TDRD3: variants seen among roughly 807,000 people sequenced by gnomAD.
TDRD3 encodes the protein tudor domain-containing protein 3.
In TDRD3, 45 loss-of-function variants were observed where a neutral mutation model predicts 86.7. The ratio of observed to expected loss-of-function variants is 0.52; its 90% CI spans 0.41 to 0.67. The LOEUF is 0.67. Among genes scored for constraint, TDRD3 ranks in the 30% least tolerant of loss-of-function variants. The probability of loss-of-function intolerance (pLI) is 0.00; values close to 1 mark genes in which losing one functional copy is unlikely to be tolerated. For missense variants in TDRD3, 814 were observed against 889.0 expected (o/e 0.92, Z 1.07); for synonymous variants, 298 against 301.7 (o/e 0.99, Z 0.13).
chr13:60,432,131 A>G (rs187056783), intron 1 of TDRD3, among the ~76,000 whole-genome samples: 93 of 152,052 alleles, frequency 6.1e-4, no homozygotes, highest in African/African-American at 2.1e-3. Context: ...TTCATTTTCC[A>G]CCATTTTTCA....
At chr13:60,542,844 G>A (rs1233659000) in intron 12 of TDRD3, among the ~76,000 whole-genome samples, 1 of 152,012 alleles carries the variant, frequency 6.6e-6, no homozygotes, top group East Asian at 1.9e-4. Context: ...TACCTCTGGT[G>A]AGTGGTATCT....
chr13:60,463,409 TAGA>T (rs1197198665), intron 4 of TDRD3, among the ~76,000 whole-genome samples: 1 of 146,260 alleles, frequency 6.8e-6, no homozygotes, highest in Non-Finnish European at 1.5e-5. Context: ...ATGAAATTAC[TAGA>T]AGAAAACATT....
chr13:60,436,891 A>G lies in TDRD3; in HGVS notation c.42-2797A>G, dbSNP rs183192029. On this transcript the variant is annotated intron_variant, in intron 1 of 13. Coordinates refer to ENST00000377881, the MANE Select transcript of TDRD3 (RefSeq NM_001146070.2). ...ATAATTAGTTGATATTAGTTTCCTG[A>G]TCTTCTACGATGCAGAAGGGAACAG... Among the ~76,000 whole-genome samples the G allele has an allele frequency of 3.2e-3, 483 of 152,284 alleles. 4 individuals carry two copies. Among genetic ancestry groups the G allele is most frequent in the Non-Finnish European group, 3.1e-3 (214 of 68,036 alleles).
chr13:60,412,625 C>T (rs1361995679), intron 1 of TDRD3, among the ~76,000 whole-genome samples: 1 of 151,876 alleles, frequency 6.6e-6, no homozygotes, highest in Non-Finnish European at 1.5e-5. Context: ...TTGTAACTTT[C>T]TTATACTTTT....
intron 2 of TDRD3, 51 bp downstream of exon 2, chr13:60,439,823 C>A: frequency 7.7e-7 from 1 of 1,296,780 alleles, no homozygotes; most frequent in South Asian, 1.6e-5. Flanking sequence ...AAGCTGTATT[C>A]ATAAAAAAGT....
intron 3 of TDRD3, among the ~76,000 whole-genome samples, chr13:60,455,664 C>T (rs1185809185): frequency 6.6e-6 from 1 of 152,108 alleles, no homozygotes; most frequent in Non-Finnish European, 1.5e-5. Flanking sequence ...GAATCACACT[C>T]ATATATTCCT....
chr13:60,437,812 T>C (rs559744462), intron 1 of TDRD3, among the ~76,000 whole-genome samples: 1 of 152,202 alleles, frequency 6.6e-6, no homozygotes, highest in African/African-American at 2.4e-5. Flanking sequence ...ACCCATATCC[T>C]TTTGTGTACT....
chr13:60,547,334 T>A (rs973839994), intron 12 of TDRD3: 5 of 985,224 alleles, frequency 5.1e-6, no homozygotes, highest in Non-Finnish European at 6.0e-6. Flanking sequence ...GCTTGGCCTT[T>A]GAGAGAAGGG....
intron 7 of TDRD3, among the ~76,000 whole-genome samples, chr13:60,489,068 G>A (rs578199139): frequency 3.8e-4 from 57 of 151,980 alleles, no homozygotes; most frequent in Middle Eastern, 3.4e-3. Context: ...ATATAATCTC[G>A]TTTGTCTATT....
intron 4 of TDRD3, among the ~76,000 whole-genome samples, chr13:60,465,428 C>T (rs2138073793): frequency 6.6e-6 from 1 of 152,234 alleles, no homozygotes; most frequent in African/African-American, 2.4e-5. Flanking sequence ...CATTTACCAC[C>T]ACAGCTCTCT....
chr13:60,432,806 T>G (rs1324410299), intron 1 of TDRD3, among the ~76,000 whole-genome samples: 2 of 152,190 alleles, frequency 1.3e-5, no homozygotes, highest in Admixed American at 6.6e-5. Context: ...CTTGGGTAAT[T>G]GGGAATTAGT....
intron 12 of TDRD3, among the ~76,000 whole-genome samples, chr13:60,539,296 A>C (rs933411975): frequency 5.9e-5 from 9 of 152,154 alleles, no homozygotes; most frequent in African/African-American, 2.2e-4. Context: ...CTCTGCACAA[A>C]GATAAGAAAG....
intron 11 of TDRD3, among the ~76,000 whole-genome samples, chr13:60,529,715 C>T (rs1957537283): frequency 6.6e-6 from 1 of 151,936 alleles, no homozygotes; most frequent in African/African-American, 2.4e-5. Context: ...TAAACCATTG[C>T]TTCTCGGCCT....
At chr13:60,532,007 T>C (rs1456267333) in intron 11 of TDRD3, among the ~76,000 whole-genome samples, 2 of 152,222 alleles carry the variant, frequency 1.3e-5, no homozygotes, top group African/African-American at 4.8e-5. Flanking sequence ...CAGATAGTTA[T>C]GGCTGTGCTG....
At chr13:60,470,613 A>G (rs887300536) in intron 5 of TDRD3, among the ~76,000 whole-genome samples, 1 of 117,482 alleles carries the variant, frequency 8.5e-6, no homozygotes, top group Non-Finnish European at 1.7e-5. Context: ...TTTTTTTGAT[A>G]TGGAGTGTTG....
Position 60,510,580 on chromosome 13 carries a change from C to T in TDRD3, c.1016-50C>T, listed in dbSNP as rs758153296. 6.8e-6 allele frequency: 10 copies of T among 1,460,712 alleles called. No homozygotes were observed. In the Admixed American group the frequency reaches 2.5e-4, roughly 36 times the overall value. 90.5% of individuals were successfully genotyped at this position (1,460,712 alleles called of 1,614,324 possible). A position where few individuals can be genotyped will look rare whatever the true frequency, so the allele number is the denominator to read the frequency against. On this transcript the variant is annotated intron_variant, in intron 9 of 13. Coordinates refer to ENST00000377881, the MANE Select transcript of TDRD3 (RefSeq NM_001146070.2). ...TTGGTTATATATTAGTATATATTCTCTTTTTGTTTTTGCATATACAGTACA... is the reference window on the plus strand; with the variant it reads ...TTGGTTATATATTAGTATATATTCTTTTTTTGTTTTTGCATATACAGTACA...
intron 1 of TDRD3, among the ~76,000 whole-genome samples, chr13:60,428,904 C>T (rs1954881401): frequency 6.6e-6 from 1 of 152,130 alleles, no homozygotes; most frequent in African/African-American, 2.4e-5. Flanking sequence ...TGCCAGTCTC[C>T]AAGGGCCTTT....
chr13:60,415,831 G>T (rs1028010469), intron 1 of TDRD3, among the ~76,000 whole-genome samples: 1 of 152,094 alleles, frequency 6.6e-6, no homozygotes, highest in Non-Finnish European at 1.5e-5. Context: ...TTATTTCAAG[G>T]ATAGGTGAAG....
At chr13:60,511,344 A>G (rs1158626832) in intron 10 of TDRD3, among the ~76,000 whole-genome samples, 1 of 152,224 alleles carries the variant, frequency 6.6e-6, no homozygotes, top group Non-Finnish European at 1.5e-5. Context: ...ATTCAGATAT[A>G]TTTTGAATCT....
Sources: gnomAD v4.1 joint callset for allele counts (sites outside exome capture counted in the v4.1 genomes callset) on GRCh38, gnomAD v4.1.1 for gene constraint, MANE v1.5 for transcripts, NCBI Gene and HGNC (gene_info 2026-07-23, HGNC 2026-07-21) for gene names.